The following LURAP1L variants were observed in gnomAD, a reference collection of about 807,000 sequenced individuals.
LURAP1L encodes leucine rich adaptor protein 1 like.
LURAP1L carries 12 observed loss-of-function variants against 13.8 expected under a neutral mutation model. That is an observed-to-expected ratio of 0.87 (90% confidence interval 0.56 to 1.41). The LOEUF is 1.41. LURAP1L is among the 40% of genes most tolerant of loss of function. The pLI, the probability that LURAP1L is intolerant of heterozygous loss-of-function variation, is 0.00. For missense variants in LURAP1L, 375 were observed against 292.9 expected (o/e 1.28, Z -2.04); for synonymous variants, 139 against 119.2 (o/e 1.17, Z -1.08).
At chr9:12,785,768 A>G (rs1056450120) in intron 1 of LURAP1L, among the ~76,000 whole-genome samples, 2 of 152,180 alleles carry the variant, frequency 1.3e-5, no homozygotes, top group African/African-American at 2.4e-5. Context: ...AAGCAATACA[A>G]GAGTCTTTTC....
At chr9:12,805,893 AAGTT>A (rs1347409169) in intron 1 of LURAP1L, among the ~76,000 whole-genome samples, 3 of 152,210 alleles carry the variant, frequency 2.0e-5, no homozygotes, top group African/African-American at 7.2e-5. Flanking sequence ...CCTAGACAAT[AAGTT>A]AAACAAATGT....
chr9:12,794,664 A>G (rs1412971017), intron 1 of LURAP1L, among the ~76,000 whole-genome samples: 2 of 152,026 alleles, frequency 1.3e-5, no homozygotes, highest in Non-Finnish European at 2.9e-5. Flanking sequence ...ATGCAAATCT[A>G]TAGTAAACAT....
intron 1 of LURAP1L, among the ~76,000 whole-genome samples, chr9:12,813,012 A>G (rs2118540557): frequency 6.6e-6 from 1 of 152,300 alleles, no homozygotes; most frequent in East Asian, 1.9e-4. Flanking sequence ...AATGGAAAAG[A>G]TAAGATTACC....
chr9:12,811,248 A>T (rs1394316099), intron 1 of LURAP1L, among the ~76,000 whole-genome samples: 1 of 152,214 alleles, frequency 6.6e-6, no homozygotes, highest in East Asian at 1.9e-4. Flanking sequence ...AGTTTAGTTA[A>T]TCTCGCTGCA....
intron 1 of LURAP1L, among the ~76,000 whole-genome samples, chr9:12,798,361 C>G (rs914239513): frequency 6.6e-6 from 1 of 152,146 alleles, no homozygotes; most frequent in Non-Finnish European, 1.5e-5. Flanking sequence ...TTCTACCTGG[C>G]TATGGACAAC....
rs1819885764 is a variant in LURAP1L at position 12,821,815 on chromosome 9, T to C, written c.*55T>C. On this transcript the variant is annotated 3_prime_UTR_variant, in exon 2 of 2. Transcript: ENST00000319264. ...AATGAACTTGTATTTATCCTTCTTC[T>C]CCGCTGCTATATTTTTGGTGTGATT... 1.3e-6 allele frequency: 2 copies of C among 1,533,462 alleles called. No individual in the cohort carries two copies. The highest frequency in any genetic ancestry group is 2.1e-5 in the Admixed American group (1 of 48,690). 95.0% of individuals were successfully genotyped at this position (1,533,462 alleles called of 1,614,324 possible). A position where few individuals can be genotyped will look rare whatever the true frequency, so the allele number is the denominator to read the frequency against.
At chr9:12,801,564 A>C (rs921423862) in intron 1 of LURAP1L, among the ~76,000 whole-genome samples, 5 of 152,186 alleles carry the variant, frequency 3.3e-5, no homozygotes, top group Non-Finnish European at 7.4e-5. Context: ...TAAGACTACA[A>C]TTTAAAAAGA....
chr9:12,801,507 C>G (rs1420170031), intron 1 of LURAP1L, among the ~76,000 whole-genome samples: 1 of 152,042 alleles, frequency 6.6e-6, no homozygotes, highest in Non-Finnish European at 1.5e-5. Context: ...CTCAAACCAT[C>G]TATTACTTTA....
At chr9:12,802,534 T>G (rs1464033727) in intron 1 of LURAP1L, among the ~76,000 whole-genome samples, 1 of 152,188 alleles carries the variant, frequency 6.6e-6, no homozygotes, top group East Asian at 1.9e-4. Context: ...CTCCAGAAGC[T>G]GAGCAGATAC....
In LURAP1L at chr9:12,821,448, C is replaced by T. The variant is rs377031853; in HGVS notation, c.375C>T (p.Ile125=). 3.7e-6 allele frequency: 6 copies of T among 1,614,054 alleles called. No homozygotes were observed. Among genetic ancestry groups the T allele is most frequent in the Admixed American group, 1.7e-5 (1 of 60,004 alleles). The change falls in exon 2 of 2, where the codon ATC becomes ATT. Residue 125 remains isoleucine, a synonymous_variant. Coordinates refer to ENST00000319264, the MANE Select transcript of LURAP1L (RefSeq NM_203403.2). ...MRQLLVINES[I]ESIKWMIEEK... Reference sequence around the variant, plus strand: ...AGTTGCTTGTAATCAATGAGAGCATCGAGTCCATCAAGTGGATGATCGAAG... The same window carrying T: ...AGTTGCTTGTAATCAATGAGAGCATTGAGTCCATCAAGTGGATGATCGAAG...
chr9:12,798,312 A>G (rs895510731), intron 1 of LURAP1L, among the ~76,000 whole-genome samples: 2 of 152,128 alleles, frequency 1.3e-5, no homozygotes, highest in Non-Finnish European at 2.9e-5. Flanking sequence ...GTACTGTACA[A>G]TCCTACCTAT....
intron 1 of LURAP1L, among the ~76,000 whole-genome samples, chr9:12,819,025 G>T (rs1255466618): frequency 6.6e-6 from 1 of 152,066 alleles, no homozygotes; most frequent in Non-Finnish European, 1.5e-5. Flanking sequence ...TGTCTTCCTG[G>T]CTCATAGGGT....
At position 12,801,027 on chromosome 9, in the gene LURAP1L, TAGGC is replaced by T. The variant is rs1270867338; in HGVS notation, c.313-20357_313-20354del. 2.0e-5 allele frequency among the ~76,000 whole-genome samples: 3 copies of T among 152,154 alleles called. No individual in the cohort carries two copies. The East Asian group carries it at 5.8e-4, about 29-fold the overall frequency. Reference sequence around the variant, plus strand: ...ACTGAAAGATCTATTTAATTTTGACTAGGCATAATGTTAATTATGATACCTAGGT... The same window carrying T: ...ACTGAAAGATCTATTTAATTTTGACTATAATGTTAATTATGATACCTAGGT... On this transcript the variant is annotated intron_variant, in intron 1 of 1. Coordinates refer to ENST00000319264, the MANE Select transcript of LURAP1L (RefSeq NM_203403.2).
At chr9:12,818,130 TAAA>T (rs35502818) in intron 1 of LURAP1L, among the ~76,000 whole-genome samples, 18,715 of 119,032 alleles carry the variant, frequency 0.16, 1,305 homozygotes, top group East Asian at 0.34. Flanking sequence ...TTGCTTCCAC[TAAA>T]AAAAAAAAAA....
At chr9:12,792,930 TAGTTTGA>T (rs941421948) in intron 1 of LURAP1L, among the ~76,000 whole-genome samples, 2 of 152,042 alleles carry the variant, frequency 1.3e-5, no homozygotes, top group African/African-American at 4.8e-5. Flanking sequence ...TTCTAAAAAT[TAGTTTGA>T]AGATGCCGGA....
chr9:12,812,621 AC>A (rs1433708572), intron 1 of LURAP1L, among the ~76,000 whole-genome samples: 1 of 152,200 alleles, frequency 6.6e-6, no homozygotes, highest in Non-Finnish European at 1.5e-5. Flanking sequence ...TCCACGGCAA[AC>A]AGATTTAATT....
intron 1 of LURAP1L, among the ~76,000 whole-genome samples, chr9:12,805,237 T>G (rs1195421397): frequency 6.6e-6 from 1 of 152,132 alleles, no homozygotes; most frequent in African/African-American, 2.4e-5. Context: ...AGTTTCTTTA[T>G]TTTATGAGAA....
At chr9:12,776,306 G>T (rs946817947) in intron 1 of LURAP1L, among the ~76,000 whole-genome samples, 1 of 152,136 alleles carries the variant, frequency 6.6e-6, no homozygotes, top group Non-Finnish European at 1.5e-5. Context: ...TCACTGCGCC[G>T]GGCTCTATTT....
chr9:12,808,362 T>A (rs946343091), intron 1 of LURAP1L, among the ~76,000 whole-genome samples: 1 of 152,144 alleles, frequency 6.6e-6, no homozygotes, highest in Middle Eastern at 3.2e-3. Flanking sequence ...TAAAATATAC[T>A]ATTTTAACCA....
Sources: allele counts gnomAD v4.1 joint callset (sites outside exome capture counted in the v4.1 genomes callset), GRCh38; gene constraint gnomAD v4.1.1; transcripts MANE v1.5; gene names NCBI Gene and HGNC (gene_info 2026-07-23, HGNC 2026-07-21).